Variants in ANO10 observed in about 807,000 individuals in gnomAD.
ANO10 encodes the protein anoctamin-10.
ANO10 carries 77 observed loss-of-function variants against 74.7 expected under a neutral mutation model. The ratio of observed to expected loss-of-function variants is 1.03; its 90% CI spans 0.86 to 1.25. The LOEUF (loss-of-function observed/expected upper bound fraction) is 1.25, where lower values mean the gene tolerates loss of function less well. ANO10 is among the 50% of genes most tolerant of loss of function. The probability of loss-of-function intolerance (pLI) is 0.00; values close to 1 mark genes in which losing one functional copy is unlikely to be tolerated. For synonymous variants in ANO10, 279 were observed against 284.9 expected (o/e 0.98, Z 0.21); for missense variants, 721 against 778.1 (o/e 0.93, Z 0.87).
At chr3:43,383,710 T>C (rs1450804585) in intron 12 of ANO10, among the ~76,000 whole-genome samples, 4 of 152,022 alleles carry the variant, frequency 2.6e-5, no homozygotes, top group African/African-American at 7.3e-5. Context: ...GAAAAAACAT[T>C]TGACAAAATC....
intron 1 of ANO10, among the ~76,000 whole-genome samples, chr3:43,630,936 G>T (rs575333402): frequency 6.6e-6 from 1 of 151,702 alleles, no homozygotes; most frequent in African/African-American, 2.4e-5. Context: ...GTGTTTGATC[G>T]GTTGTCTCAC....
chr3:43,618,833 G>C (rs921074348), intron 1 of ANO10, among the ~76,000 whole-genome samples: 2 of 151,228 alleles, frequency 1.3e-5, no homozygotes, highest in Admixed American at 6.6e-5. Flanking sequence ...GCAGAGTCTC[G>C]CTCTGTCGCC....
chr3:43,686,288 T>A (rs1337006786), intron 1 of ANO10, among the ~76,000 whole-genome samples: 1 of 152,144 alleles, frequency 6.6e-6, no homozygotes, highest in Non-Finnish European at 1.5e-5. Context: ...TCTAAAACTT[T>A]TATTCTTTTT....
At chr3:43,499,709 C>T (rs566259986) in intron 11 of ANO10, among the ~76,000 whole-genome samples, 2 of 151,558 alleles carry the variant, frequency 1.3e-5, no homozygotes, top group Non-Finnish European at 2.9e-5. Context: ...GTTCTTATTA[C>T]CTAGAATTCT....
At chr3:43,394,481 A>AT (rs2092339873) in intron 12 of ANO10, among the ~76,000 whole-genome samples, 2 of 151,894 alleles carry the variant, frequency 1.3e-5, no homozygotes. Context: ...CCCTTCCTGA[A>AT]TTTTTTCCAT....
At chr3:43,560,963 G>A (rs138242593) in intron 9 of ANO10, among the ~76,000 whole-genome samples, 61 of 152,264 alleles carry the variant, frequency 4.0e-4, no homozygotes, top group African/African-American at 1.3e-3. Context: ...CCTGCTCTCC[G>A]CAAAGCAAAG....
intron 12 of ANO10, among the ~76,000 whole-genome samples, chr3:43,375,486 T>C (rs1026876729): frequency 6.6e-6 from 1 of 151,060 alleles, no homozygotes; most frequent in African/African-American, 2.4e-5. Context: ...TATCCAGAAG[T>C]CCTTGATGAT....
intron 8 of ANO10, among the ~76,000 whole-genome samples, chr3:43,562,398 G>A (rs2080083766): frequency 6.9e-6 from 1 of 144,628 alleles, no homozygotes; most frequent in Non-Finnish European, 1.5e-5. Context: ...CTTGCAGTAA[G>A]CCAAGATCGC....
At chr3:43,444,532 T>C (rs1330646785) in intron 11 of ANO10, among the ~76,000 whole-genome samples, 4 of 152,242 alleles carry the variant, frequency 2.6e-5, no homozygotes, top group Non-Finnish European at 4.4e-5. Context: ...ATCTTAAGAT[T>C]ATGATTTCAT....
At chr3:43,543,728 G>C (rs1401254279) in intron 11 of ANO10, among the ~76,000 whole-genome samples, 1 of 152,166 alleles carries the variant, frequency 6.6e-6, no homozygotes, top group East Asian at 1.9e-4. Context: ...TGGAGAGGGG[G>C]TGCCACATGA....
At chr3:43,533,841 T>C (rs1289638631) in intron 11 of ANO10, among the ~76,000 whole-genome samples, 1 of 152,248 alleles carries the variant, frequency 6.6e-6, no homozygotes, top group Non-Finnish European at 1.5e-5. Flanking sequence ...GAGGTCATCT[T>C]ACACATGGAT....
intron 1 of ANO10, chr3:43,638,930 AG>A (rs2149562644): frequency 6.6e-6 from 1 of 152,354 alleles, no homozygotes; most frequent in African/African-American, 2.4e-5. Context: ...GTTGTGGTCA[AG>A]ATGTCACCTG....
chr3:43,447,787 CTAT>C (rs1559553468), intron 11 of ANO10, among the ~76,000 whole-genome samples: 1 of 152,138 alleles, frequency 6.6e-6, no homozygotes, highest in African/African-American at 2.4e-5. Context: ...CCAGTTTCCC[CTAT>C]TATTAAGGTC....
chr3:43,663,120 G>A, intron 1 of ANO10, among the ~76,000 whole-genome samples: 1 of 152,186 alleles, frequency 6.6e-6, no homozygotes, highest in East Asian at 1.9e-4. Context: ...TATCCCTGAT[G>A]AACATTGATG....
At chr3:43,558,075 C>T (rs1274138903) in intron 9 of ANO10, among the ~76,000 whole-genome samples, 1 of 136,308 alleles carries the variant, frequency 7.3e-6, no homozygotes, top group Non-Finnish European at 1.5e-5. Flanking sequence ...CACTGCCCTC[C>T]AACCTGTGTG....
At chr3:43,665,789 C>T (rs6802532) in intron 1 of ANO10, among the ~76,000 whole-genome samples, 12,732 of 152,104 alleles carry the variant, frequency 0.084, 753 homozygotes, top group South Asian at 0.21. Flanking sequence ...ATTATTCAAC[C>T]AGTTATTTGT....
At chr3:43,421,117 G>A (rs2092813627) in intron 12 of ANO10, among the ~76,000 whole-genome samples, 1 of 152,138 alleles carries the variant, frequency 6.6e-6, no homozygotes, top group African/African-American at 2.4e-5. Context: ...CAGCTACTCG[G>A]GAGGCTGAGG....
intron 7 of ANO10, among the ~76,000 whole-genome samples, chr3:43,569,963 TA>T (rs1160888155): frequency 1.6e-5 from 2 of 126,852 alleles, no homozygotes; most frequent in African/African-American, 6.2e-5. Flanking sequence ...AAAATCTCCT[TA>T]AGCTGATAAG....
chr3:43,456,237 T>C (rs763044788), intron 11 of ANO10, among the ~76,000 whole-genome samples: 1 of 152,220 alleles, frequency 6.6e-6, no homozygotes, highest in Non-Finnish European at 1.5e-5. Flanking sequence ...TAATTAATGA[T>C]ACTCTCAGCT....
Sources: gnomAD v4.1 joint callset for allele counts (sites outside exome capture counted in the v4.1 genomes callset) on GRCh38, gnomAD v4.1.1 for gene constraint, MANE v1.5 for transcripts, NCBI Gene and HGNC (gene_info 2026-07-23, HGNC 2026-07-21) for gene names.